Variants in NSMCE1 observed in about 807,000 individuals in gnomAD.
NSMCE1 encodes the protein NSE1 component of SMC5/6 complex.
In NSMCE1, 18 loss-of-function variants were observed where a neutral mutation model predicts 29.6. The ratio of observed to expected loss-of-function variants is 0.61; its 90% confidence interval spans 0.42 to 0.90. The LOEUF (loss-of-function observed/expected upper bound fraction) is 0.90, where lower values mean the gene tolerates loss of function less well. Among genes scored for constraint, NSMCE1 ranks in the 40% least tolerant of loss-of-function variants. NSMCE1 has a pLI of 0.00. For missense variants in NSMCE1, 314 were observed against 343.6 expected, an observed-to-expected ratio of 0.91 and a Z score of 0.68; for synonymous variants, 124 against 133.4, an observed-to-expected ratio of 0.93 and a Z score of 0.49.
At chr16:27,240,451 A>T (rs961709901) in intron 2 of NSMCE1, among the ~76,000 whole-genome samples, 44 of 151,908 alleles carry the variant, frequency 2.9e-4, no homozygotes, top group Non-Finnish European at 4.4e-5. Context: ...TCAGCCCAGC[A>T]TCCATCATCC....
intron 2 of NSMCE1, among the ~76,000 whole-genome samples, chr16:27,239,213 C>T (rs1015027533): frequency 1.1e-4 from 16 of 152,136 alleles, no homozygotes; most frequent in African/African-American, 3.9e-4. Flanking sequence ...GGGTCTCTTG[C>T]TTGCTCCCAA....
intron 1 of NSMCE1, 87 bp from the exon 2 acceptor site, chr16:27,257,668 T>C (rs1272634298): frequency 2.7e-6 from 3 of 1,123,796 alleles, no homozygotes; most frequent in South Asian, 1.6e-5. Flanking sequence ...TTAACAAATA[T>C]AAATTTGCTA....
At chr16:27,241,025 GATCGC>G (rs1303200674) in intron 2 of NSMCE1, among the ~76,000 whole-genome samples, 2 of 152,204 alleles carry the variant, frequency 1.3e-5, no homozygotes, top group Non-Finnish European at 2.9e-5. Context: ...AATGAGCTAT[GATCGC>G]ATCACTGCAT....
chr16:27,226,263 C>T (rs139204312), intron 6 of NSMCE1: 4 of 202,782 alleles, frequency 2.0e-5, no homozygotes, highest in Non-Finnish European at 3.0e-5. Context: ...GTACGAGGCC[C>T]GTAAGAGCAA....
chr16:27,234,083 T>A (rs2083791520), intron 4 of NSMCE1, 105 bp downstream of exon 4: 2 of 759,936 alleles, frequency 2.6e-6, no homozygotes, highest in Admixed American at 1.9e-5. Flanking sequence ...GTGGCCCATG[T>A]CCCCCCAGTG....
At chr16:27,228,080 C>T (rs2083721118) in intron 5 of NSMCE1, among the ~76,000 whole-genome samples, 1 of 152,114 alleles carries the variant, frequency 6.6e-6, no homozygotes, top group East Asian at 1.9e-4. Context: ...TCACCGCACC[C>T]AGCCCACTCC....
intron 2 of NSMCE1, among the ~76,000 whole-genome samples, chr16:27,250,602 G>A (rs2084015559): frequency 6.6e-6 from 1 of 151,656 alleles, no homozygotes; most frequent in South Asian, 2.1e-4. Flanking sequence ...GACCAGCCTG[G>A]CCAACACGGT....
intron 2 of NSMCE1, among the ~76,000 whole-genome samples, chr16:27,251,180 ATATATATATAAATATATATATATAT>A (rs1567281211): frequency 0.053 from 3,132 of 59,142 alleles, 168 homozygotes; most frequent in African/African-American, 0.27. Flanking sequence ...ATATATATAT[ATATATATATAAATATATATATATAT>A]ATAAAACTCT....
chr16:27,235,893 C>G (rs868824952), intron 2 of NSMCE1, among the ~76,000 whole-genome samples: 2 of 152,224 alleles, frequency 1.3e-5, no homozygotes, highest in Non-Finnish European at 2.9e-5. Context: ...GAGCCCTCAG[C>G]ATGGAGAGGC....
At chr16:27,243,762 C>A (rs1269891314) in intron 2 of NSMCE1, among the ~76,000 whole-genome samples, 2 of 152,144 alleles carry the variant, frequency 1.3e-5, no homozygotes, top group Non-Finnish European at 2.9e-5. Context: ...GTGATCCCCC[C>A]ACCTCAGTCT....
At chr16:27,234,944 A>C (rs2083802738) in intron 3 of NSMCE1, among the ~76,000 whole-genome samples, 1 of 152,184 alleles carries the variant, frequency 6.6e-6, no homozygotes, top group African/African-American at 2.4e-5. Flanking sequence ...TGAAGGCCCC[A>C]CCCACATGGC....
chr16:27,226,778 C>T lies in NSMCE1; in HGVS notation c.542G>A (p.Arg181Gln), dbSNP rs562727717. ...CTTCACCGCGTCGGGGTACGTCTCC[C>T]GGATGTATTGCTCCATCTCCAGGAT... ...RAILEMEQYI[R>Q]ETYPDAVKIC... is the part of the protein sequence containing the mutation. Residue 181 changes from arginine (R) to glutamine (Q), a missense_variant, in exon 6 of 8, where the codon CGG becomes CAG. Arg to Gln is a conservative substitution (Grantham distance 43). Coordinates refer to ENST00000361439, the MANE Select transcript of NSMCE1 (RefSeq NM_145080.4). The T allele has an allele frequency of 5.2e-5, 84 of 1,614,044 alleles. No individual in the cohort carries two copies. Among genetic ancestry groups the T allele is most frequent in the South Asian group, 4.1e-4 (37 of 91,076 alleles).
intron 1 of NSMCE1, among the ~76,000 whole-genome samples, chr16:27,265,161 CTTT>C (rs5816427): frequency 2.4e-5 from 2 of 82,684 alleles, no homozygotes; most frequent in African/African-American, 9.6e-5. Flanking sequence ...AATTCTTTTC[CTTT>C]TTTTTTTTTT....
intron 1 of NSMCE1, among the ~76,000 whole-genome samples, chr16:27,262,745 G>A (rs1017243044): frequency 1.3e-5 from 2 of 152,130 alleles, no homozygotes; most frequent in Non-Finnish European, 2.9e-5. Flanking sequence ...TGACAAATGA[G>A]ATCTAATTAA....
At chr16:27,226,087 G>A (rs1007840649) in intron 6 of NSMCE1, 8 of 403,976 alleles carry the variant, frequency 2.0e-5, no homozygotes, top group Non-Finnish European at 3.6e-5. Flanking sequence ...CAGAAGCCGA[G>A]GGCTCCCAAA....
At position 27,238,660 on chromosome 16, in the gene NSMCE1, C is replaced by A. The variant is rs528550077; in HGVS notation, c.137-3361G>T. 1.9e-3 allele frequency among the ~76,000 whole-genome samples: 296 copies of A among 152,060 alleles called. 1 individual carries two copies. The highest frequency in any genetic ancestry group is 3.1e-3 in the Non-Finnish European group (214 of 67,982). On this transcript the variant is annotated intron_variant, in intron 2 of 7. Coordinates refer to ENST00000361439, the MANE Select transcript of NSMCE1 (RefSeq NM_145080.4). ...AAGCTGAAGGGACCAGAGATTAGGG[C>A]AGCCAGGAGTAGACAGAGAACCCCT...
intron 6 of NSMCE1, 99 bp downstream of exon 6, chr16:27,226,621 G>C: frequency 2.6e-6 from 2 of 764,464 alleles, no homozygotes; most frequent in Non-Finnish European, 4.4e-6. Flanking sequence ...AGCAGTGCAG[G>C]AGGGCTGGGC....
At chr16:27,236,605 G>C (rs942161247) in intron 2 of NSMCE1, among the ~76,000 whole-genome samples, 1 of 151,492 alleles carries the variant, frequency 6.6e-6, no homozygotes, top group Non-Finnish European at 1.5e-5. Context: ...CTTGTGCTGT[G>C]AAACTTTTTA....
intron 2 of NSMCE1, among the ~76,000 whole-genome samples, chr16:27,253,007 C>T (rs558306193): frequency 1.2e-4 from 18 of 152,164 alleles, no homozygotes; most frequent in Non-Finnish European, 2.2e-4. Context: ...GGCGTTGAGA[C>T]GGTGGTGCAA....
Sources: gnomAD v4.1 joint callset for allele counts (sites outside exome capture counted in the v4.1 genomes callset) on GRCh38, gnomAD v4.1.1 for gene constraint, MANE v1.5 for transcripts, NCBI Gene and HGNC (gene_info 2026-07-23, HGNC 2026-07-21) for gene names.